The following TRIM50 variants were observed in gnomAD, a reference collection of about 807,000 sequenced individuals.
The protein encoded by TRIM50 is E3 ubiquitin-protein ligase TRIM50.
In TRIM50, 34 loss-of-function variants were observed where a neutral mutation model predicts 44.9. That is an observed-to-expected ratio of 0.76 (90% CI 0.58 to 1.01). The LOEUF is 1.01. Among genes scored for constraint, TRIM50 ranks in the 50% least tolerant of loss-of-function variants. The pLI is 0.00. For missense variants in TRIM50, 633 were observed against 663.7 expected (o/e 0.95, Z 0.51); for synonymous variants, 307 against 291.1 (o/e 1.05, Z -0.56).
intron 5 of TRIM50, chr7:73,316,894 C>A (rs1300382162): frequency 6.1e-6 from 4 of 660,272 alleles, no homozygotes; most frequent in Middle Eastern, 4.4e-4. Flanking sequence ...TATAGTGGTG[C>A]TTCTAGAGTG....
rs148550531 is a variant in TRIM50, at chr7:73,313,155, G to A, written c.1230C>T (p.His410=). The change falls in exon 7 of 7, where the codon CAC becomes CAT. Residue 410 remains histidine (H), a synonymous_variant. Coordinates refer to ENST00000333149, the MANE Select transcript of TRIM50 (RefSeq NM_178125.3). The surrounding 1 kb of genome is among the most constrained non-coding windows in gnomAD (Gnocchi z 4.9). ...CPRVPLPVAG[H]PHRIGLYLHY... ...GCAGGTAGAGCCCGATGCGGTGGGG[G>A]TGGCCGGCCACGGGCAGGGGTACCC... The A allele has an allele frequency of 6.3e-7, 1 of 1,589,096 alleles. No homozygotes were observed. The highest frequency in any genetic ancestry group is 1.1e-5 in the South Asian group (1 of 87,594).
Position 73,324,793 on chromosome 7 carries a change from C to A in TRIM50, c.-6G>T, listed in dbSNP as rs559604741. 39 of 1,613,658 alleles carry A rather than the reference C, an allele frequency of 2.4e-5. 1 individual carries two copies. The South Asian group carries it at 4.2e-4, about 17-fold the overall frequency. Reference sequence around the variant, plus strand: ...AGGCTCACCTGCCAAGCCATCCACACTCACTGCCCGGGCTGAAACACAGGC... The same window carrying A: ...AGGCTCACCTGCCAAGCCATCCACAATCACTGCCCGGGCTGAAACACAGGC... On this transcript the variant is annotated 5_prime_UTR_variant, in exon 2 of 7. Transcript: ENST00000333149.
At chr7:73,315,881 C>CTT (rs144736935) in intron 6 of TRIM50, among the ~76,000 whole-genome samples, 7 of 139,944 alleles carry the variant, frequency 5.0e-5, no homozygotes, top group Non-Finnish European at 9.4e-5. Flanking sequence ...AAGGATATTA[C>CTT]TTTTTTTTTT....
intron 2 of TRIM50, among the ~76,000 whole-genome samples, chr7:73,321,176 T>C (rs1554544970): frequency 6.6e-6 from 1 of 152,090 alleles, no homozygotes; most frequent in Non-Finnish European, 1.5e-5. Flanking sequence ...TAATTTTTTT[T>C]TAAAGAATAT....
chr7:73,326,677 T>C (rs1388643465), intron 1 of TRIM50, among the ~76,000 whole-genome samples: 2 of 152,178 alleles, frequency 1.3e-5, no homozygotes, highest in African/African-American at 4.8e-5. Context: ...CAGCATCATA[T>C]AGAATGTACT....
At chr7:73,326,208 T>C (rs1369181654) in intron 1 of TRIM50, among the ~76,000 whole-genome samples, 3 of 152,050 alleles carry the variant, frequency 2.0e-5, no homozygotes, top group Admixed American at 1.3e-4. Flanking sequence ...CTCTCTCTCT[T>C]TTTTTCTAAT....
At chr7:73,315,627 T>C (rs1804339043) in intron 6 of TRIM50, among the ~76,000 whole-genome samples, 1 of 152,248 alleles carries the variant, frequency 6.6e-6, no homozygotes, top group Admixed American at 6.5e-5. Flanking sequence ...GGTGCTGGGA[T>C]TGCAGGCGTG....
Position 73,312,680 on chromosome 7 carries a change from T to C in TRIM50, c.*241A>G, listed in dbSNP as rs1459166384. 9.8e-6 allele frequency: 5 copies of C among 507,746 alleles called. No individual in the cohort carries two copies. The highest frequency in any genetic ancestry group is 6.4e-5 in the East Asian group (2 of 31,200). The allele number at this position is 507,746 out of a possible 1,614,324, so 31.5% of individuals were successfully genotyped here. A position where few individuals can be genotyped will look rare whatever the true frequency, so the allele number is the denominator to read the frequency against. On this transcript the variant is annotated 3_prime_UTR_variant, in exon 7 of 7. Coordinates refer to ENST00000333149, the MANE Select transcript of TRIM50 (RefSeq NM_178125.3). ...CATGGTTAGCAAGTGGCAGGAACCA[T>C]GGGGATTTCAGTGTGTCCCTGGCTG...
intron 5 of TRIM50, 86 bp downstream of exon 5, chr7:73,318,601 T>G: frequency 1.2e-6 from 2 of 1,611,406 alleles, no homozygotes; most frequent in Non-Finnish European, 1.7e-6. Context: ...GAGGCGCTGG[T>G]TAAACCGAAT....
chr7:73,320,579 T>G (rs1472101732), intron 2 of TRIM50, among the ~76,000 whole-genome samples: 2 of 151,982 alleles, frequency 1.3e-5, no homozygotes, highest in Non-Finnish European at 2.9e-5. Flanking sequence ...ACACCTGTAG[T>G]CCCAGCTACT....
chr7:73,319,884 G>C (rs1804453804), intron 3 of TRIM50, among the ~76,000 whole-genome samples: 1 of 152,186 alleles, frequency 6.6e-6, no homozygotes, highest in Non-Finnish European at 1.5e-5. Context: ...GCTTTGAGCT[G>C]TTTACCCCCT....
intron 2 of TRIM50, among the ~76,000 whole-genome samples, chr7:73,323,577 G>A (rs184535452): frequency 4.1e-4 from 63 of 152,338 alleles, no homozygotes; most frequent in Non-Finnish European, 8.2e-4. Context: ...TCGTCTTAAA[G>A]AATGATCTGC....
intron 2 of TRIM50, 150 bp from the exon 3 acceptor site, chr7:73,320,392 A>C (rs1273516309): frequency 9.0e-7 from 1 of 1,113,136 alleles, no homozygotes; most frequent in African/African-American, 1.5e-5. Flanking sequence ...CTTGAGTCCA[A>C]AACAGGTTAA....
At position 73,312,842 on chromosome 7, in the gene TRIM50, G is replaced by A. The variant is rs541460307; in HGVS notation, c.*79C>T. 72 of 1,165,690 alleles carry A rather than the reference G, an allele frequency of 6.2e-5. No homozygotes were observed. The African/African-American group carries it at 8.1e-4, about 13-fold the overall frequency. The allele number at this position is 1,165,690 out of a possible 1,614,324, so 72.2% of individuals were successfully genotyped here. On this transcript the variant is annotated 3_prime_UTR_variant, in exon 7 of 7. Transcript: ENST00000333149. Reference sequence around the variant, plus strand: ...CCTAAACAGTGACGATATCACCTCAGGCGGGACCCAGCAGAAGCCCGCGAG... The same window carrying A: ...CCTAAACAGTGACGATATCACCTCAAGCGGGACCCAGCAGAAGCCCGCGAG...
intron 2 of TRIM50, among the ~76,000 whole-genome samples, chr7:73,320,634 G>A (rs1804473040): frequency 1.3e-5 from 2 of 152,008 alleles, no homozygotes; most frequent in African/African-American, 4.8e-5. Context: ...GGAGGTGGAG[G>A]TTGCAGTGAG....
intron 1 of TRIM50, among the ~76,000 whole-genome samples, chr7:73,325,014 A>ATGTGTGTGTGTGTGTGTG (rs3040867): frequency 7.7e-5 from 11 of 142,034 alleles, no homozygotes; most frequent in South Asian, 4.7e-4. Flanking sequence ...CCTTGAAGAT[A>ATGTGTGTGTGTGTGTGTG]TGTGTGTGTG....
intron 6 of TRIM50, among the ~76,000 whole-genome samples, chr7:73,315,881 CTTT>C (rs144736935): frequency 2.9e-5 from 4 of 139,908 alleles, no homozygotes; most frequent in Admixed American, 7.2e-5. Context: ...AAGGATATTA[CTTT>C]TTTTTTTTTT....
chr7:73,316,516 C>T (rs185975603), intron 6 of TRIM50, 49 bp downstream of exon 6: 1 of 1,608,244 alleles, frequency 6.2e-7, no homozygotes, highest in African/African-American at 1.3e-5. Flanking sequence ...TGAACTGCCA[C>T]CTGCCCTGGG....
At chr7:73,314,131 G>A (rs1225379487) in intron 6 of TRIM50, 24 of 370,684 alleles carry the variant, frequency 6.5e-5, no homozygotes, top group South Asian at 6.1e-4. Context: ...GAAGGCCAAG[G>A]GGAAGAAGGT....
Sources: allele counts gnomAD v4.1 joint callset (sites outside exome capture counted in the v4.1 genomes callset), GRCh38; gene constraint gnomAD v4.1.1; non-coding constraint Gnocchi (gnomAD v3.1); transcripts MANE v1.5; gene names NCBI Gene and HGNC (gene_info 2026-07-23, HGNC 2026-07-21).